Variants in PALLD observed in about 807,000 individuals in gnomAD.
PALLD encodes the protein palladin, cytoskeletal associated protein.
In PALLD, 61 loss-of-function variants were observed where a neutral mutation model predicts 123.5. The ratio of observed to expected loss-of-function variants is 0.49; its 90% confidence interval spans 0.40 to 0.61. PALLD has a LOEUF of 0.61. Among genes scored for constraint, PALLD ranks in the 20% least tolerant of loss-of-function variants. The pLI, the probability that PALLD is intolerant of heterozygous loss-of-function variation, is 0.00. For synonymous variants in PALLD, 465 were observed against 496.4 expected (o/e 0.94, Z 0.84); for missense variants, 1,273 against 1,377.0 (o/e 0.92, Z 1.20).
At chr4:168,875,721 G>T (rs967173567) in intron 10 of PALLD, among the ~76,000 whole-genome samples, 7 of 152,226 alleles carry the variant, frequency 4.6e-5, no homozygotes, top group Non-Finnish European at 8.8e-5. Flanking sequence ...ACAGCTTTAA[G>T]CCCACTTGGG....
intron 8 of PALLD, among the ~76,000 whole-genome samples, chr4:168,705,035 A>G (rs1295718889): frequency 6.6e-6 from 1 of 152,156 alleles, no homozygotes; most frequent in Non-Finnish European, 1.5e-5. Flanking sequence ...CTTACATCTT[A>G]TATTTCAAAA....
intron 2 of PALLD, among the ~76,000 whole-genome samples, chr4:168,514,268 C>T (rs961411607): frequency 6.6e-6 from 1 of 152,138 alleles, no homozygotes; most frequent in Non-Finnish European, 1.5e-5. Flanking sequence ...ATCCTTTGCT[C>T]ACTAACACAA....
chr4:168,550,610 C>T (rs1245391128), intron 2 of PALLD, among the ~76,000 whole-genome samples: 1 of 152,130 alleles, frequency 6.6e-6, no homozygotes, highest in African/African-American at 2.4e-5. Context: ...GCCCAGTGCC[C>T]ACCTAAACTT....
At chr4:168,521,722 T>C (rs144126487) in intron 2 of PALLD, among the ~76,000 whole-genome samples, 1 of 152,268 alleles carries the variant, frequency 6.6e-6, no homozygotes, top group African/African-American at 2.4e-5. Context: ...CAGCATAAAA[T>C]AAACAAATGA....
chr4:168,539,568 AAAATAAAT>A (rs150961800), intron 2 of PALLD, among the ~76,000 whole-genome samples: 15,420 of 145,328 alleles, frequency 0.11, 852 homozygotes, highest in Middle Eastern at 0.14. Context: ...TCAAAAAATA[AAAATAAAT>A]AAATAAATAA....
At chr4:168,713,445 G>A (rs1336926027) in intron 10 of PALLD, among the ~76,000 whole-genome samples, 1 of 152,192 alleles carries the variant, frequency 6.6e-6, no homozygotes, top group Non-Finnish European at 1.5e-5. Flanking sequence ...GAATGACTAG[G>A]ACTTGACTGT....
intron 2 of PALLD, among the ~76,000 whole-genome samples, chr4:168,644,736 G>A (rs1777277273): frequency 6.6e-6 from 1 of 152,120 alleles, no homozygotes; most frequent in African/African-American, 2.4e-5. Context: ...CCTTTTTCGT[G>A]CCTATAGTAT....
At chr4:168,733,794 G>A (rs1418993903) in intron 10 of PALLD, among the ~76,000 whole-genome samples, 1 of 152,170 alleles carries the variant, frequency 6.6e-6, no homozygotes, top group Non-Finnish European at 1.5e-5. Flanking sequence ...ACTGCAGTGG[G>A]TGCTATCTTG....
At chr4:168,639,471 T>C (rs1170666775) in intron 2 of PALLD, among the ~76,000 whole-genome samples, 1 of 152,130 alleles carries the variant, frequency 6.6e-6, no homozygotes, top group Non-Finnish European at 1.5e-5. Flanking sequence ...AGACCATGAA[T>C]CATAAGAAAT....
chr4:168,611,341 T>C (rs888096338), intron 2 of PALLD, among the ~76,000 whole-genome samples: 41 of 152,200 alleles, frequency 2.7e-4, no homozygotes, highest in African/African-American at 9.9e-4. Context: ...AAAAACTCCT[T>C]GCTATAAATC....
intron 10 of PALLD, among the ~76,000 whole-genome samples, chr4:168,717,107 G>GT (rs924372425): frequency 3.3e-5 from 5 of 151,572 alleles, no homozygotes; most frequent in African/African-American, 1.2e-4. Context: ...CTTGCTTTTT[G>GT]TTTTTTTTAA....
At chr4:168,842,873 G>C (rs1314319658) in intron 10 of PALLD, among the ~76,000 whole-genome samples, 1 of 152,142 alleles carries the variant, frequency 6.6e-6, no homozygotes, top group African/African-American at 2.4e-5. Context: ...ACATCAGTAA[G>C]GGCCACATTC....
chr4:168,682,259 T>C (rs891948040), intron 4 of PALLD, among the ~76,000 whole-genome samples: 4 of 152,220 alleles, frequency 2.6e-5, no homozygotes, highest in African/African-American at 7.2e-5. Context: ...TCTGTTCTAA[T>C]AAATTTCTTT....
At chr4:168,810,783 C>G (rs1740982619) in intron 10 of PALLD, among the ~76,000 whole-genome samples, 1 of 149,682 alleles carries the variant, frequency 6.7e-6, no homozygotes, top group Non-Finnish European at 1.5e-5. Context: ...AGTCCGCAGT[C>G]CGGCCTGGGC....
intron 18 of PALLD, 101 bp from the exon 19 acceptor site, chr4:168,924,151 TATC>T (rs1227341147): frequency 2.0e-5 from 20 of 986,990 alleles, no homozygotes; most frequent in Middle Eastern, 2.9e-4. Flanking sequence ...TAAAAAATGG[TATC>T]ATAAAAGATC....
chr4:168,552,218 C>T (rs1457935000), intron 2 of PALLD, among the ~76,000 whole-genome samples: 1 of 152,074 alleles, frequency 6.6e-6, no homozygotes, highest in Non-Finnish European at 1.5e-5. Context: ...TCCTTTACTG[C>T]CCCCAATGTG....
At chr4:168,840,548 G>C (rs1745890777) in intron 10 of PALLD, among the ~76,000 whole-genome samples, 1 of 152,178 alleles carries the variant, frequency 6.6e-6, no homozygotes, top group Non-Finnish European at 1.5e-5. Context: ...TGGATGCTTA[G>C]TGAAACGACC....
intron 2 of PALLD, among the ~76,000 whole-genome samples, chr4:168,556,010 T>C (rs1473021067): frequency 1.3e-5 from 2 of 152,116 alleles, no homozygotes; most frequent in Admixed American, 1.3e-4. Flanking sequence ...TCCGGGATCA[T>C]GGATTAGAGA....
chr4:168,909,057 A>G (rs1267824840), intron 15 of PALLD, among the ~76,000 whole-genome samples: 1 of 152,208 alleles, frequency 6.6e-6, no homozygotes. Flanking sequence ...GACCAAAGCA[A>G]TCACATAGTT....
Sources: allele counts gnomAD v4.1 joint callset (sites outside exome capture counted in the v4.1 genomes callset), GRCh38; gene constraint gnomAD v4.1.1; transcripts MANE v1.5; gene names NCBI Gene and HGNC (gene_info 2026-07-23, HGNC 2026-07-21).